Variants in ELP4 observed in about 807,000 individuals in gnomAD.
The protein encoded by ELP4 is elongator acetyltransferase complex subunit 4.
ELP4 carries 51 observed loss-of-function variants against 48.9 expected under a neutral mutation model. The ratio of observed to expected loss-of-function variants is 1.04; its 90% CI spans 0.83 to 1.32. The LOEUF (loss-of-function observed/expected upper bound fraction) is 1.32, where lower values mean the gene tolerates loss of function less well. ELP4 is among the 40% of genes most tolerant of loss of function. ELP4 has a pLI of 0.00. For missense variants in ELP4, 519 were observed against 514.6 expected, an observed-to-expected ratio of 1.01 and a Z score of -0.08; for synonymous variants, 210 against 189.2, an observed-to-expected ratio of 1.11 and a Z score of -0.90.
At chr11:31,743,303 C>T (rs1417269663) in intron 9 of ELP4, among the ~76,000 whole-genome samples, 1 of 152,126 alleles carries the variant, frequency 6.6e-6, no homozygotes, top group Admixed American at 6.6e-5. Context: ...TAATGGGAGA[C>T]TTTAACACCC....
chr11:31,555,067 A>G (rs1486510044), intron 3 of ELP4, among the ~76,000 whole-genome samples: 1 of 152,192 alleles, frequency 6.6e-6, no homozygotes, highest in Admixed American at 6.5e-5. Context: ...CCTGTATGCT[A>G]AATAATCTAC....
intron 9 of ELP4, among the ~76,000 whole-genome samples, chr11:31,717,077 A>G (rs1177772735): frequency 6.6e-6 from 1 of 152,092 alleles, no homozygotes; most frequent in Non-Finnish European, 1.5e-5. Flanking sequence ...TTAATTTGGC[A>G]GCAGGAAAAA....
chr11:31,691,428 T>G (rs971871481), intron 9 of ELP4, among the ~76,000 whole-genome samples: 1 of 152,114 alleles, frequency 6.6e-6, no homozygotes, highest in African/African-American at 2.4e-5. Flanking sequence ...TTTCACAAAT[T>G]ATGCTTCATT....
At position 31,615,504 on chromosome 11, in the gene ELP4, G is replaced by A. The variant is rs116781167; in HGVS notation, c.653+11597G>A. Among the ~76,000 whole-genome samples the A allele has an allele frequency of 5.8e-3, 875 of 151,758 alleles. 11 individuals carry two copies. Among genetic ancestry groups the A allele is most frequent in the African/African-American group, 0.02 (844 of 41,442 alleles). On this transcript the variant is annotated intron_variant, in intron 5 of 9. Transcript: ENST00000640961. ...TATTTTGAAATTTATTATAAGAAAC[G>A]TATTTTTATTAGAAGATAAATCAAT...
intron 3 of ELP4, among the ~76,000 whole-genome samples, chr11:31,569,113 A>G (rs1342180618): frequency 1.3e-5 from 2 of 151,906 alleles, no homozygotes; most frequent in Non-Finnish European, 2.9e-5. Context: ...AAGGAAAGAA[A>G]AAAAACCTAA....
intron 9 of ELP4, among the ~76,000 whole-genome samples, chr11:31,684,714 G>A (rs1226489950): frequency 6.6e-6 from 1 of 152,132 alleles, no homozygotes; most frequent in African/African-American, 2.4e-5. Context: ...ATAGTACTCA[G>A]TCAAAACTGG....
At chr11:31,644,328 A>T (rs1945157783) in intron 7 of ELP4, among the ~76,000 whole-genome samples, 1 of 151,898 alleles carries the variant, frequency 6.6e-6, no homozygotes, top group Non-Finnish European at 1.5e-5. Flanking sequence ...CAACTTGAAA[A>T]TTAATGCAAA....
chr11:31,761,680 G>C (rs1947949261), intron 9 of ELP4, among the ~76,000 whole-genome samples: 1 of 152,208 alleles, frequency 6.6e-6, no homozygotes, highest in South Asian at 2.1e-4. Context: ...TCATTAGAAA[G>C]ATATTAGGGC....
rs137942561 is a variant in ELP4, at chr11:31,632,375, C to T, written c.897C>T (p.Cys299=). 7 of 1,611,814 alleles carry T rather than the reference C, an allele frequency of 4.3e-6. No homozygotes were observed. The highest frequency in any genetic ancestry group is 1.7e-4 in the Middle Eastern group (1 of 6,032). ...TTCTGAGAACCTCTCTTTCAGCCTG[C>T]ATCATCACAATGCCAACACATCTGA... is the stretch of plus-strand genomic sequence containing the variant. ...RGLLRTSLSA[C]IITMPTHLIQ... is the part of the protein sequence containing the mutation. Residue 299 remains cysteine (C), a synonymous_variant, in exon 7 of 10, where the codon TGC becomes TGT. Coordinates refer to ENST00000640961, the MANE Select transcript of ELP4 (RefSeq NM_019040.5).
chr11:31,546,728 G>A (rs948076426), intron 3 of ELP4, among the ~76,000 whole-genome samples: 7 of 151,090 alleles, frequency 4.6e-5, no homozygotes, highest in African/African-American at 1.7e-4. Context: ...TGACCACATA[G>A]TTGGAAGTAA....
rs1329789644 is a variant in ELP4 at position 31,632,263 on chromosome 11, C to T, written c.785C>T (p.Ser262Leu). Reference sequence around the variant, plus strand: ...AGAATAGGAATTCAGAATCTTGGCTCACCTTTATGGGGAGACGATATTTGC... The same window carrying T: ...AGAATAGGAATTCAGAATCTTGGCTTACCTTTATGGGGAGACGATATTTGC... ...ILRIGIQNLGSPLWGDDICCA... is the reference protein window; with the variant it reads ...ILRIGIQNLGLPLWGDDICCA... The change falls in exon 7 of 10, where the codon TCA (serine) becomes TTA (leucine). Residue 262 changes from serine to leucine, a missense_variant. Transcript: ENST00000640961. The T allele has an allele frequency of 1.2e-6, 2 of 1,608,840 alleles. No individual in the cohort carries two copies. Among genetic ancestry groups the T allele is most frequent in the African/African-American group, 1.3e-5 (1 of 74,498 alleles).
intron 2 of ELP4, among the ~76,000 whole-genome samples, chr11:31,538,899 A>G (rs1037272877): frequency 2.0e-5 from 3 of 152,132 alleles, no homozygotes; most frequent in Non-Finnish European, 4.4e-5. Flanking sequence ...GATTGGTATT[A>G]TGACCTCCTA....
At chr11:31,774,962 T>C (rs1465594845) in intron 9 of ELP4, among the ~76,000 whole-genome samples, 1 of 152,146 alleles carries the variant, frequency 6.6e-6, no homozygotes, top group Non-Finnish European at 1.5e-5. Context: ...CATTCTGTCT[T>C]TTTGCTATGC....
At chr11:31,613,149 T>C (rs776551138) in intron 5 of ELP4, among the ~76,000 whole-genome samples, 4 of 152,116 alleles carry the variant, frequency 2.6e-5, no homozygotes, top group Non-Finnish European at 4.4e-5. Context: ...TTTTTCTGTA[T>C]AAGAGATCAG....
At chr11:31,538,509 T>A (rs1956540463) in intron 2 of ELP4, among the ~76,000 whole-genome samples, 1 of 150,376 alleles carries the variant, frequency 6.6e-6, no homozygotes, top group Non-Finnish European at 1.5e-5. Context: ...ACGATATTGA[T>A]TAGAAGTGAT....
rs752324096 is a variant in ELP4 at position 31,509,982 on chromosome 11, G to C, written c.198G>C (p.Gly66=). 3.1e-6 allele frequency: 5 copies of C among 1,612,332 alleles called. No homozygotes were observed. The South Asian group carries it at 3.3e-5, about 11-fold the overall frequency. ...ATGGACAGCTGCTGGTATCAACCGG[G>C]CTCCCAGCCCTAGACCAGCTCTTAG... ...VRNGQLLVST[G]LPALDQLLGG... is the part of the protein sequence containing the mutation. The change falls in exon 1 of 10, where the codon GGG becomes GGC. Residue 66 remains glycine (G), a synonymous_variant. Coordinates refer to ENST00000640961, the MANE Select transcript of ELP4 (RefSeq NM_019040.5).
At chr11:31,723,046 G>T (rs993887746) in intron 9 of ELP4, among the ~76,000 whole-genome samples, 27 of 152,178 alleles carry the variant, frequency 1.8e-4, no homozygotes, top group African/African-American at 6.3e-4. Context: ...GTGGCAAGAA[G>T]CTTACCCCTG....
chr11:31,518,978 A>G (rs914873837), intron 1 of ELP4, among the ~76,000 whole-genome samples: 41 of 150,466 alleles, frequency 2.7e-4, no homozygotes, highest in Admixed American at 2.3e-3. Context: ...CATGCAGATT[A>G]TTTTTTTTGT....
chr11:31,788,100 G>C lies in ELP4; in HGVS notation c.*4576G>C, dbSNP rs1948796562. On this transcript the variant is annotated 3_prime_UTR_variant, in exon 10 of 10. Transcript: ENST00000640961. ...AGACAGTCCTTTTTTACCCAACAAA[G>C]GCTTATTTTTTTCCATCCTTTGCTT... 4.5e-6 allele frequency: 1 copy of C among 223,390 alleles called. No individual in the cohort carries two copies. Among genetic ancestry groups the C allele is most frequent in the African/African-American group, 2.2e-5 (1 of 44,802 alleles). The allele number at this position is 223,390 out of a possible 1,614,324, so 13.8% of individuals were successfully genotyped here.
Sources: allele counts gnomAD v4.1 joint callset (sites outside exome capture counted in the v4.1 genomes callset), GRCh38; gene constraint gnomAD v4.1.1; transcripts MANE v1.5; gene names NCBI Gene and HGNC (gene_info 2026-07-23, HGNC 2026-07-21).